The following SDK1 variants were observed in gnomAD, a reference collection of about 807,000 sequenced individuals.
SDK1 encodes the protein sidekick cell adhesion molecule 1, also known as protein sidekick-1.
In SDK1, 157 loss-of-function variants were observed where a neutral mutation model predicts 245.5. The observed-to-expected ratio is 0.64, with a 90% CI of 0.56 to 0.73. The LOEUF (loss-of-function observed/expected upper bound fraction) is 0.73. Among genes scored for constraint, SDK1 ranks in the 30% least tolerant of loss-of-function variants. SDK1 has a pLI of 0.00. For missense variants in SDK1, 3,583 were observed against 3,002.3 expected, an observed-to-expected ratio of 1.19 and a Z score of -4.52; for synonymous variants, 1,647 against 1,278.5, an observed-to-expected ratio of 1.29 and a Z score of -6.15.
intron 1 of SDK1, among the ~76,000 whole-genome samples, chr7:3,569,510 GC>G (rs1353959291): frequency 6.6e-6 from 1 of 152,238 alleles, no homozygotes; most frequent in East Asian, 1.9e-4. Flanking sequence ...GCACTTCACG[GC>G]CCCTCAGGCC....
At chr7:3,639,244 A>T (rs1782569742) in intron 3 of SDK1, 134 bp downstream of exon 3, 1 of 476,292 alleles carries the variant, frequency 2.1e-6, no homozygotes, top group Non-Finnish European at 3.7e-6. Context: ...TAATTGCAAA[A>T]CTCAGTGAGA....
chr7:3,736,812 A>G (rs907259780), intron 4 of SDK1, among the ~76,000 whole-genome samples: 5 of 152,270 alleles, frequency 3.3e-5, no homozygotes, highest in East Asian at 1.9e-4. Context: ...ACTAAGATCT[A>G]CTTTTCTAAC....
chr7:3,773,434 G>A (rs766032895), intron 4 of SDK1, among the ~76,000 whole-genome samples: 3 of 151,562 alleles, frequency 2.0e-5, no homozygotes, highest in Non-Finnish European at 2.9e-5. Flanking sequence ...TTGTTCAAAC[G>A]TTGTTTTCTT....
At chr7:4,101,773 G>A (rs12112940) in intron 22 of SDK1, among the ~76,000 whole-genome samples, 9,346 of 152,154 alleles carry the variant, frequency 0.061, 344 homozygotes, top group African/African-American at 0.09. Context: ...AGGAGGTCCC[G>A]CACCCAGGTC....
At chr7:3,441,208 T>C (rs2128588486) in intron 1 of SDK1, among the ~76,000 whole-genome samples, 1 of 152,274 alleles carries the variant, frequency 6.6e-6, no homozygotes, top group East Asian at 1.9e-4. Context: ...ATTGTTAATA[T>C]TTTATTTTAT....
chr7:3,672,560 G>A (rs1019914), intron 4 of SDK1, among the ~76,000 whole-genome samples: 75,172 of 141,142 alleles, frequency 0.53, 20,580 homozygotes, highest in South Asian at 0.72. Context: ...GAGTGAGATC[G>A]ATAAAGGAGA....
chr7:3,559,103 C>A (rs559393094), intron 1 of SDK1, among the ~76,000 whole-genome samples: 3 of 152,294 alleles, frequency 2.0e-5, no homozygotes, highest in Admixed American at 1.3e-4. Flanking sequence ...ACTGAAATTA[C>A]TTTCCTTGAA....
chr7:3,814,589 G>T (rs906287974), intron 4 of SDK1, among the ~76,000 whole-genome samples: 19 of 151,916 alleles, frequency 1.3e-4, no homozygotes, highest in South Asian at 8.3e-4. Flanking sequence ...TTGACTTGGT[G>T]ATGCGGGCTC....
At position 3,578,612 on chromosome 7, in the gene SDK1, T is replaced by G. The variant is rs887528549; in HGVS notation, c.299-40468T>G. 3.3e-5 allele frequency among the ~76,000 whole-genome samples: 5 copies of G among 151,958 alleles called. No individual in the cohort carries two copies. The East Asian group carries it at 9.6e-4, about 29-fold the overall frequency. On this transcript the variant is annotated intron_variant, in intron 1 of 44. Coordinates refer to ENST00000404826, the MANE Select transcript of SDK1 (RefSeq NM_152744.4). Reference sequence around the variant, plus strand: ...GACAGACACTCCCACAGCAGCCGTTTATAGACCACCCCCCAGGAATGCAAT... The same window carrying G: ...GACAGACACTCCCACAGCAGCCGTTGATAGACCACCCCCCAGGAATGCAAT...
chr7:4,067,455 C>G (rs1243381114), intron 19 of SDK1, among the ~76,000 whole-genome samples: 1 of 152,118 alleles, frequency 6.6e-6, no homozygotes, highest in Non-Finnish European at 1.5e-5. Flanking sequence ...CAGATGGCCC[C>G]CACACAAGCC....
At chr7:3,525,767 C>A (rs538969035) in intron 1 of SDK1, among the ~76,000 whole-genome samples, 1 of 152,106 alleles carries the variant, frequency 6.6e-6, no homozygotes, top group African/African-American at 2.4e-5. Flanking sequence ...TAAAATATTT[C>A]TTCTTCCTGG....
rs557746737 is a variant in SDK1 at position 3,532,262 on chromosome 7, G to C, written c.299-86818G>C. On this transcript the variant is annotated intron_variant, in intron 1 of 44. Transcript: ENST00000404826. ...TGTGAACCCAAAGTTGTTAGGAATT[G>C]TTGTTTCTGGTAAGCCAGGATCCAG... 1.3e-4 allele frequency among the ~76,000 whole-genome samples: 20 copies of C among 152,298 alleles called. No homozygotes were observed. The South Asian group carries it at 3.9e-3, about 30-fold the overall frequency.
At chr7:3,611,817 CA>C (rs1274339723) in intron 1 of SDK1, among the ~76,000 whole-genome samples, 2 of 151,384 alleles carry the variant, frequency 1.3e-5, no homozygotes, top group African/African-American at 4.8e-5. Flanking sequence ...ATGAAAAAAT[CA>C]AAAAATAATA....
intron 5 of SDK1, among the ~76,000 whole-genome samples, chr7:3,888,409 C>G (rs1178955743): frequency 6.6e-6 from 1 of 152,216 alleles, no homozygotes; most frequent in Non-Finnish European, 1.5e-5. Context: ...CGTACCCCGC[C>G]TCTGCAAGGC....
chr7:3,618,998 A>T, intron 1 of SDK1, 82 bp from the exon 2 acceptor site: 1 of 1,150,938 alleles, frequency 8.7e-7, no homozygotes, highest in Non-Finnish European at 1.2e-6. Context: ...ACGTTTGTTT[A>T]AATAATAGAT....
chr7:3,467,372 A>C (rs1029842858), intron 1 of SDK1, among the ~76,000 whole-genome samples: 1 of 152,066 alleles, frequency 6.6e-6, no homozygotes. Context: ...ACATTAAAGA[A>C]TTGTTGCCCA....
At chr7:4,214,882 C>G (rs1413005449) in intron 38 of SDK1, among the ~76,000 whole-genome samples, 1 of 152,236 alleles carries the variant, frequency 6.6e-6, no homozygotes, top group Admixed American at 6.5e-5. Context: ...CTGCAGGCAC[C>G]ATCATCCGTG....
intron 1 of SDK1, among the ~76,000 whole-genome samples, chr7:3,589,546 A>G (rs1208479487): frequency 6.6e-6 from 1 of 152,246 alleles, no homozygotes; most frequent in African/African-American, 2.4e-5. Context: ...TAATTTATAA[A>G]GAAAAGAAGT....
chr7:3,904,934 A>C (rs1781912716), intron 5 of SDK1, among the ~76,000 whole-genome samples: 1 of 151,722 alleles, frequency 6.6e-6, no homozygotes, highest in African/African-American at 2.4e-5. Flanking sequence ...TGGAGCTTTC[A>C]GTGAGTGGAG....
Sources: gnomAD v4.1 joint callset for allele counts (sites outside exome capture counted in the v4.1 genomes callset) on GRCh38, gnomAD v4.1.1 for gene constraint, MANE v1.5 for transcripts, NCBI Gene and HGNC (gene_info 2026-07-23, HGNC 2026-07-21) for gene names.